RFC1: variants seen among roughly 807,000 people sequenced by gnomAD.
The protein encoded by RFC1 is replication factor C subunit 1, also known as A1 140 kDa subunit.
In RFC1, 37 loss-of-function variants were observed where a neutral mutation model predicts 137.4. That is an observed-to-expected ratio of 0.27 (90% CI 0.21 to 0.35). The LOEUF (loss-of-function observed/expected upper bound fraction) is 0.35, where lower values mean the gene tolerates loss of function less well. Among genes scored for constraint, RFC1 ranks in the 10% least tolerant of loss-of-function variants. RFC1 has a pLI of 1.00. For synonymous variants in RFC1, 429 were observed against 455.7 expected, an observed-to-expected ratio of 0.94 and a Z score of 0.75; for missense variants, 1,205 against 1,358.5, an observed-to-expected ratio of 0.89 and a Z score of 1.78.
chr4:39,342,240 G>A, intron 4 of RFC1, 105 bp downstream of exon 4: 3 of 1,297,040 alleles, frequency 2.3e-6, no homozygotes, highest in Non-Finnish European at 3.1e-6. Context: ...AAAGCAAAAA[G>A]GCAGTAGAAA....
At chr4:39,303,223 A>C in intron 15 of RFC1, 72 bp from the exon 16 acceptor site, 1 of 969,382 alleles carries the variant, frequency 1.0e-6, no homozygotes, top group South Asian at 1.3e-5. Context: ...GCTGCTCTGT[A>C]GAAAATTATG....
intron 4 of RFC1, among the ~76,000 whole-genome samples, chr4:39,334,980 TAAAAGGCA>T (rs1249604992): frequency 6.6e-6 from 1 of 152,134 alleles, no homozygotes; most frequent in Non-Finnish European, 1.5e-5. Flanking sequence ...AAAATCTATT[TAAAAGGCA>T]AAAAGGAAAA....
In RFC1 at chr4:39,304,817, A is replaced by C. The variant is rs757653219; in HGVS notation, c.2107T>G (p.Ser703Ala). 6.3e-7 allele frequency: 1 copy of C among 1,587,098 alleles called. No homozygotes were observed. Among genetic ancestry groups the C allele is most frequent in the South Asian group, 1.1e-5 (1 of 90,572 alleles). ...LNNTSIKGFY[S>A]NGAASSVSTK... The stretch of plus-strand genomic sequence containing the variant: ...AGGAGGTCAAAAAGCCACATACTTG[A>C]ATAAAAGCCTTTGATGCTGGTATTG... Residue 703 changes from serine to alanine, a missense_variant, in exon 15 of 25, where the codon TCA becomes GCA. Ser to Ala is a moderately conservative substitution (Grantham distance 99). This residue lies in a region of RFC1 where 962 missense variants were observed against 1,035.3 expected (regional missense o/e 0.93). Coordinates refer to ENST00000349703, the MANE Select transcript of RFC1 (RefSeq NM_002913.5).
intron 24 of RFC1, 62 bp from the exon 25 acceptor site, chr4:39,288,906 C>A: frequency 9.8e-7 from 1 of 1,016,296 alleles, no homozygotes; most frequent in South Asian, 1.4e-5. Flanking sequence ...GAAATAAGTT[C>A]ATCTCTATAA....
rs6846286 is a variant in RFC1 at position 39,366,205 on chromosome 4, A to C, written c.3+34T>G. 386 of 1,547,258 alleles carry C rather than the reference A, an allele frequency of 2.5e-4. 2 individuals are homozygous for C. The African/African-American group carries it at 4.4e-3, about 18-fold the overall frequency. ...CACCAGGCCTGCAAAGCCCCCCCAG[A>C]CCCCGAGCCGCACGGCCTCCCCCAG... On this transcript the variant is annotated intron_variant, in intron 1 of 24. Coordinates refer to ENST00000349703, the MANE Select transcript of RFC1 (RefSeq NM_002913.5).
At chr4:39,307,579 G>T (rs1032152754) in intron 13 of RFC1, 1 of 153,234 alleles carries the variant, frequency 6.5e-6, no homozygotes, top group East Asian at 1.9e-4. Flanking sequence ...AGCCAGGCAT[G>T]GTGGTGTGCA....
At chr4:39,335,207 C>A (rs567791529) in intron 4 of RFC1, among the ~76,000 whole-genome samples, 14 of 152,284 alleles carry the variant, frequency 9.2e-5, no homozygotes, top group African/African-American at 3.4e-4. Context: ...TATAAAGTTT[C>A]TTTTCAATAT....
chr4:39,359,826 A>T (rs1373236351), intron 1 of RFC1, among the ~76,000 whole-genome samples: 3 of 151,222 alleles, frequency 2.0e-5, no homozygotes, highest in Non-Finnish European at 4.4e-5. Flanking sequence ...TGTCTCAAAA[A>T]AAAAAAAAAA....
chr4:39,358,000 C>A (rs112649473), intron 1 of RFC1, among the ~76,000 whole-genome samples: 171 of 152,132 alleles, frequency 1.1e-3, no homozygotes, highest in African/African-American at 4.0e-3. Flanking sequence ...CTGGGCCAAG[C>A]GCAGTGGCTC....
intron 11 of RFC1, among the ~76,000 whole-genome samples, chr4:39,311,803 G>A (rs983189348): frequency 3.3e-5 from 5 of 152,198 alleles, no homozygotes; most frequent in African/African-American, 1.2e-4. Context: ...TTCTACTTTT[G>A]TGGACTGCTT....
intron 1 of RFC1, 129 bp from the exon 2 acceptor site, chr4:39,351,605 T>A: frequency 1.5e-6 from 1 of 659,790 alleles, no homozygotes; most frequent in East Asian, 3.7e-5. Context: ...CCAAGATAGT[T>A]CCACGAATAT....
chr4:39,303,616 G>A (rs1738485865), intron 15 of RFC1, among the ~76,000 whole-genome samples: 1 of 152,200 alleles, frequency 6.6e-6, no homozygotes, highest in African/African-American at 2.4e-5. Flanking sequence ...ACCACACCCA[G>A]CTAATTTTTG....
chr4:39,345,128 T>C (rs1462543357), intron 3 of RFC1, among the ~76,000 whole-genome samples: 1 of 152,036 alleles, frequency 6.6e-6, no homozygotes, highest in Non-Finnish European at 1.5e-5. Context: ...AATTCTCATA[T>C]CTCAGCCTCC....
chr4:39,333,163 A>G (rs73139857), intron 4 of RFC1, among the ~76,000 whole-genome samples: 2,701 of 152,324 alleles, frequency 0.018, 75 homozygotes, highest in African/African-American at 0.062. Flanking sequence ...TGTTGGACCA[A>G]ACGAACTCTT....
chr4:39,331,854 T>C (rs1256373302), intron 4 of RFC1, among the ~76,000 whole-genome samples: 3 of 152,202 alleles, frequency 2.0e-5, no homozygotes, highest in Non-Finnish European at 4.4e-5. Context: ...ATTTTTATGT[T>C]TTTTTCACAC....
chr4:39,291,810 C>T lies in RFC1; in HGVS notation c.2997G>A (p.Ser999=), dbSNP rs150290667. 20 of 1,613,970 alleles carry T rather than the reference C, an allele frequency of 1.2e-5. No individual in the cohort carries two copies. The highest frequency in any genetic ancestry group is 1.2e-4 in the South Asian group (11 of 91,082). The change falls in exon 23 of 25, where the codon TCG becomes TCA. Residue 999 remains serine, a synonymous_variant. Coordinates refer to ENST00000349703, the MANE Select transcript of RFC1 (RefSeq NM_002913.5). ...GCTGTACAAGTGCATCCCTTAGAAG[C>T]GACAGATAATCCATGTTTACAGTCC... ...SKRTVNMDYL[S]LLRDALVQPL... is the part of the protein sequence containing the mutation.
At chr4:39,289,492 A>G (rs1356458270) in intron 24 of RFC1, 1 of 195,238 alleles carries the variant, frequency 5.1e-6, no homozygotes, top group African/African-American at 2.4e-5. Context: ...AGAAACTTCT[A>G]CAAAGCAGTT....
chr4:39,299,634 GAAAGA>G (rs1269811243), intron 21 of RFC1, among the ~76,000 whole-genome samples: 1 of 135,342 alleles, frequency 7.4e-6, no homozygotes, highest in Non-Finnish European at 1.6e-5. Context: ...AAAAAAGAAA[GAAAGA>G]AAAAAGAAAA....
chr4:39,336,016 C>T (rs919059928), intron 4 of RFC1, among the ~76,000 whole-genome samples: 1 of 152,184 alleles, frequency 6.6e-6, no homozygotes, highest in Non-Finnish European at 1.5e-5. Context: ...ACAGTCTGTT[C>T]ATTTTCAAAG....
Sources: allele counts gnomAD v4.1 joint callset (sites outside exome capture counted in the v4.1 genomes callset), GRCh38; gene constraint gnomAD v4.1.1; regional missense constraint gnomAD v4.1.1; transcripts MANE v1.5; gene names NCBI Gene and HGNC (gene_info 2026-07-23, HGNC 2026-07-21).